CLVS1: variants seen among roughly 807,000 people sequenced by gnomAD.
CLVS1 encodes the protein clavesin-1.
Under a neutral mutation model 33.1 loss-of-function variants are expected in CLVS1, and 10 were observed. The observed-to-expected ratio is 0.30, with a 90% CI of 0.19 to 0.51. The LOEUF (loss-of-function observed/expected upper bound fraction) is 0.51, where lower values mean the gene tolerates loss of function less well. Among genes scored for constraint, CLVS1 ranks in the 20% least tolerant of loss-of-function variants. The pLI, the probability that CLVS1 is intolerant of heterozygous loss-of-function variation, is 0.97. For synonymous variants in CLVS1, 163 were observed against 166.1 expected (o/e 0.98, Z 0.14); for missense variants, 343 against 433.4 (o/e 0.79, Z 1.85).
rs1804484209 is a variant in CLVS1 at position 61,499,545 on chromosome 8, CCT to C, written c.*4_*5del. ...AGCCACTCCTGGCTCTGGACTGAAC[CCT>C]GAGTCACCCCAATGCTCCTGCACAC... On this transcript the variant is annotated 3_prime_UTR_variant, in exon 6 of 6. Transcript: ENST00000325897. The C allele has an allele frequency of 6.2e-7, 1 of 1,611,462 alleles. No homozygotes were observed.
At chr8:61,468,364 T>C (rs1402309930) in intron 5 of CLVS1, among the ~76,000 whole-genome samples, 1 of 152,186 alleles carries the variant, frequency 6.6e-6, no homozygotes, top group Non-Finnish European at 1.5e-5. Flanking sequence ...ACTAAGATTT[T>C]AAAAAATGTT....
At chr8:61,212,416 CG>C (rs1807989602) in intron 2 of CLVS1, among the ~76,000 whole-genome samples, 2 of 152,128 alleles carry the variant, frequency 1.3e-5, no homozygotes, top group Non-Finnish European at 2.9e-5. Flanking sequence ...GCAGATGCAG[CG>C]GGGGCTGGAC....
chr8:61,318,171 T>C (rs1055933236), intron 2 of CLVS1, among the ~76,000 whole-genome samples: 2 of 152,242 alleles, frequency 1.3e-5, no homozygotes, highest in Non-Finnish European at 2.9e-5. Flanking sequence ...TTCTGTTTGC[T>C]TTAGAAAGCG....
chr8:61,399,979 G>T (rs1259886767), intron 3 of CLVS1, among the ~76,000 whole-genome samples: 9 of 152,166 alleles, frequency 5.9e-5, no homozygotes, highest in African/African-American at 2.2e-4. Context: ...GATGCCTCCA[G>T]CTTTGCTCTT....
chr8:61,204,511 G>T (rs1224132525), intron 2 of CLVS1, among the ~76,000 whole-genome samples: 1 of 152,174 alleles, frequency 6.6e-6, no homozygotes, highest in African/African-American at 2.4e-5. Flanking sequence ...GTTTTAGCAT[G>T]CCTATAGAAC....
At chr8:61,395,126 C>G (rs1490408974) in intron 3 of CLVS1, among the ~76,000 whole-genome samples, 1 of 152,018 alleles carries the variant, frequency 6.6e-6, no homozygotes, top group African/African-American at 2.4e-5. Context: ...TACTATGCAG[C>G]CTTCAAAAAG....
chr8:61,249,434 C>T (rs1427278834), intron 2 of CLVS1, among the ~76,000 whole-genome samples: 3 of 152,088 alleles, frequency 2.0e-5, no homozygotes, highest in Admixed American at 6.6e-5. Flanking sequence ...GGATATATAC[C>T]CAGTAATGGG....
intron 2 of CLVS1, among the ~76,000 whole-genome samples, chr8:61,134,880 C>T (rs1294754861): frequency 6.6e-6 from 1 of 152,028 alleles, no homozygotes; most frequent in Non-Finnish European, 1.5e-5. Flanking sequence ...AGGACATAGA[C>T]ATCTTTGCTG....
chr8:61,383,168 T>C (rs916693113), intron 3 of CLVS1, among the ~76,000 whole-genome samples: 1 of 152,210 alleles, frequency 6.6e-6, no homozygotes, highest in Non-Finnish European at 1.5e-5. Flanking sequence ...TTATTTCTGC[T>C]CACTATAGGT....
Position 61,318,697 on chromosome 8 carries a change from C to A in CLVS1, c.455+18415C>A, listed in dbSNP as rs565423623. On this transcript the variant is annotated intron_variant, in intron 2 of 5. Transcript: ENST00000325897. The stretch of plus-strand genomic sequence containing the variant: ...AGTACAGCATTTGGGAAAACCTCTT[C>A]ATCTCCTCTTCATTCTCTCCCAGTT... Among the ~76,000 whole-genome samples, 3 of 152,302 alleles carry A rather than the reference C, an allele frequency of 2.0e-5. No homozygotes were observed. The South Asian group carries it at 6.2e-4, about 32-fold the overall frequency.
upstream of CLVS1, among the ~76,000 whole-genome samples, chr8:61,286,666 A>G (rs1809788171): frequency 6.6e-6 from 1 of 152,238 alleles, no homozygotes. Flanking sequence ...TAAATATATA[A>G]TACTATGTTA....
At chr8:61,201,787 C>T (rs1256044278) in intron 2 of CLVS1, among the ~76,000 whole-genome samples, 1 of 152,174 alleles carries the variant, frequency 6.6e-6, no homozygotes, top group Non-Finnish European at 1.5e-5. Flanking sequence ...AATGCTTGTT[C>T]CCCACTGCCG....
At chr8:61,044,567 C>G in the CLVS1 span, among the ~76,000 whole-genome samples, 1 of 152,290 alleles carries the variant, frequency 6.6e-6, no homozygotes, top group Middle Eastern at 3.4e-3. Context: ...CATCTCACAC[C>G]TATTGCCACA....
rs899187500 is a variant in CLVS1, at chr8:61,214,084, C to T, written c.-152+82224C>T. ...CTTGTTAGGAAGAGGAAATTCCCAC[C>T]TAATAATTTTGGTCAGACCGGTTGC... On this transcript the variant is annotated intron_variant, in intron 2 of 2. Coordinates refer to the CLVS1 transcript ENST00000522621. Among the ~76,000 whole-genome samples, 5 of 152,258 alleles carry T rather than the reference C, an allele frequency of 3.3e-5. No individual in the cohort carries two copies. In the South Asian group the frequency reaches 1.0e-3, roughly 32 times the overall value.
chr8:60,985,285 A>G, the CLVS1 span, among the ~76,000 whole-genome samples: 1 of 152,188 alleles, frequency 6.6e-6, no homozygotes, highest in Non-Finnish European at 1.5e-5. Context: ...TGCATGCCCA[A>G]TGTCCACGGC....
At chr8:61,099,972 GT>G (rs1295450771) in intron 1 of CLVS1, among the ~76,000 whole-genome samples, 1 of 152,142 alleles carries the variant, frequency 6.6e-6, no homozygotes, top group Non-Finnish European at 1.5e-5. Flanking sequence ...AGAAAAGAGG[GT>G]GATAAATTAG....
chr8:61,410,190 T>C (rs1387279635), intron 3 of CLVS1, among the ~76,000 whole-genome samples: 1 of 151,688 alleles, frequency 6.6e-6, no homozygotes, highest in African/African-American at 2.4e-5. Context: ...TACACTTAAA[T>C]TCTTTATCCA....
chr8:61,331,823 T>TCTTCCTCC (rs1563499886), intron 2 of CLVS1, among the ~76,000 whole-genome samples: 53 of 142,062 alleles, frequency 3.7e-4, no homozygotes, highest in African/African-American at 1.2e-3. Context: ...CCTCCTCCTC[T>TCTTCCTCC]TCCTCCTCCT....
At chr8:61,281,468 T>C (rs1228455677) in intron 2 of CLVS1, among the ~76,000 whole-genome samples, 1 of 152,150 alleles carries the variant, frequency 6.6e-6, no homozygotes, top group Non-Finnish European at 1.5e-5. Flanking sequence ...GAGAAGACCA[T>C]GTGAGGACAC....
Sources: gnomAD v4.1 joint callset for allele counts (sites outside exome capture counted in the v4.1 genomes callset) on GRCh38, gnomAD v4.1.1 for gene constraint, MANE v1.5 for transcripts, NCBI Gene and HGNC (gene_info 2026-07-23, HGNC 2026-07-21) for gene names.